Variants in ITGA8 observed in about 807,000 individuals in gnomAD.
The protein encoded by ITGA8 is integrin alpha-8.
Under a neutral mutation model 142.3 loss-of-function variants are expected in ITGA8, and 91 were observed. The observed-to-expected ratio is 0.64, with a 90% CI of 0.54 to 0.76. The LOEUF (loss-of-function observed/expected upper bound fraction) is 0.76. Among genes scored for constraint, ITGA8 ranks in the 30% least tolerant of loss-of-function variants. The pLI is 0.00. For missense variants in ITGA8, 1,406 were observed against 1,327.7 expected, an observed-to-expected ratio of 1.06 and a Z score of -0.92; for synonymous variants, 505 against 485.2, an observed-to-expected ratio of 1.04 and a Z score of -0.54.
At chr10:15,661,058 C>G in intron 8 of ITGA8, 136 bp from the exon 9 acceptor site, 1 of 737,176 alleles carries the variant, frequency 1.4e-6, no homozygotes, top group Non-Finnish European at 2.3e-6. Context: ...GTCCCCAAGC[C>G]CCAGGCCATC....
Position 15,669,588 on chromosome 10 carries a change from A to T in ITGA8, c.847+2015T>A, listed in dbSNP as rs557262300. ...AGGCTGCGTTCCTTTGGAGGAGGAG[A>T]GGTGCTCTGATTTTTAGCAGTTGTT... On this transcript the variant is annotated intron_variant, in intron 8 of 29. Transcript: ENST00000378076. Among the ~76,000 whole-genome samples the T allele has an allele frequency of 5.3e-5, 8 of 152,122 alleles. 1 individual carries two copies. Among genetic ancestry groups the T allele is most frequent in the Admixed American group, 3.9e-4 (6 of 15,272 alleles).
chr10:15,715,882 A>T (rs1835441159), intron 2 of ITGA8, among the ~76,000 whole-genome samples: 1 of 152,240 alleles, frequency 6.6e-6, no homozygotes, highest in Admixed American at 6.5e-5. Context: ...AGCAATTGGC[A>T]CAGATGAGGT....
chr10:15,524,327 C>T (rs190193623), intron 28 of ITGA8, among the ~76,000 whole-genome samples: 9 of 152,230 alleles, frequency 5.9e-5, no homozygotes, highest in East Asian at 5.8e-4. Context: ...TCTGGTGTCC[C>T]GTGCAGAGGA....
chr10:15,690,847 G>A (rs1261817380), intron 2 of ITGA8, among the ~76,000 whole-genome samples: 1 of 151,736 alleles, frequency 6.6e-6, no homozygotes, highest in Non-Finnish European at 1.5e-5. Flanking sequence ...GCCAATGCAC[G>A]CTACCCAACC....
intron 28 of ITGA8, among the ~76,000 whole-genome samples, chr10:15,527,464 T>C (rs1833196890): frequency 6.6e-6 from 1 of 152,338 alleles, no homozygotes; most frequent in African/African-American, 2.4e-5. Flanking sequence ...CGAAAGTTCC[T>C]TGGTGAGCCA....
At chr10:15,542,048 T>A in intron 27 of ITGA8, among the ~76,000 whole-genome samples, 1 of 152,170 alleles carries the variant, frequency 6.6e-6, no homozygotes, top group South Asian at 2.1e-4. Context: ...AATAGATTCC[T>A]GATAGAGATT....
chr10:15,639,384 CG>C (rs1833829593), intron 13 of ITGA8, among the ~76,000 whole-genome samples: 1 of 152,056 alleles, frequency 6.6e-6, no homozygotes, highest in Admixed American at 6.6e-5. Context: ...TGGGGTGCTG[CG>C]TAAAGGCACA....
At chr10:15,607,650 C>G in intron 17 of ITGA8, 27 bp downstream of exon 17, 1 of 1,608,592 alleles carries the variant, frequency 6.2e-7, no homozygotes, top group Non-Finnish European at 8.5e-7. Flanking sequence ...AGGAGAGAGG[C>G]CAGAGAAGTC....
At chr10:15,586,152 G>A (rs1209814454) in intron 23 of ITGA8, among the ~76,000 whole-genome samples, 1 of 142,618 alleles carries the variant, frequency 7.0e-6, no homozygotes, top group Non-Finnish European at 1.5e-5. Flanking sequence ...TCTGCCTCCC[G>A]GGTTCAAGTG....
chr10:15,695,376 C>T (rs1287755377), intron 2 of ITGA8, among the ~76,000 whole-genome samples: 1 of 152,148 alleles, frequency 6.6e-6, no homozygotes, highest in Admixed American at 6.5e-5. Flanking sequence ...AATTATCTGA[C>T]TTTGAACCTA....
chr10:15,617,086 CAT>C (rs1169687071), intron 13 of ITGA8, among the ~76,000 whole-genome samples: 1 of 152,194 alleles, frequency 6.6e-6, no homozygotes, highest in Non-Finnish European at 1.5e-5. Context: ...AAATAACTAA[CAT>C]ATTATAATGA....
At position 15,613,762 on chromosome 10, in the gene ITGA8, C is replaced by G; in HGVS notation, c.1451G>C (p.Arg484Thr). The G allele has an allele frequency of 6.2e-7, 1 of 1,612,038 alleles. No homozygotes were observed. Among genetic ancestry groups the G allele is most frequent in the Non-Finnish European group, 8.5e-7 (1 of 1,178,096 alleles). The change falls in exon 15 of 30, where the codon AGA (arginine) becomes ACA (threonine). Residue 484 changes from arginine to threonine, a missense_variant. Coordinates refer to ENST00000378076, the MANE Select transcript of ITGA8 (RefSeq NM_003638.3). ...GTGKVAVYRARPVVTVDAQLL... is the reference protein window; with the variant it reads ...GTGKVAVYRATPVVTVDAQLL... ...CTGGGCATCTACAGTCACAACCGGTCTTGCTCTGCGGGGAGAAAATGCAGG... is the reference window on the plus strand; with the variant it reads ...CTGGGCATCTACAGTCACAACCGGTGTTGCTCTGCGGGGAGAAAATGCAGG...
intron 12 of ITGA8, among the ~76,000 whole-genome samples, chr10:15,644,514 C>A (rs1833942485): frequency 2.0e-5 from 2 of 101,346 alleles, no homozygotes; most frequent in Non-Finnish European, 1.9e-5. Context: ...TTTTTTTGAG[C>A]AATGGGTCCT....
intron 2 of ITGA8, among the ~76,000 whole-genome samples, chr10:15,713,838 A>G (rs954913709): frequency 3.3e-5 from 5 of 152,152 alleles, no homozygotes; most frequent in Non-Finnish European, 7.4e-5. Context: ...ATTGTCTTCC[A>G]TTTTAAGTTT....
At chr10:15,669,926 G>A (rs1020297112) in intron 8 of ITGA8, among the ~76,000 whole-genome samples, 7 of 152,122 alleles carry the variant, frequency 4.6e-5, no homozygotes, top group African/African-American at 1.4e-4. Flanking sequence ...CGCCGCTACT[G>A]GGGGGTCCTT....
chr10:15,694,845 C>T (rs1337547391), intron 2 of ITGA8, among the ~76,000 whole-genome samples: 1 of 151,434 alleles, frequency 6.6e-6, no homozygotes, highest in Non-Finnish European at 1.5e-5. Flanking sequence ...CACCTCACAA[C>T]ATTGTCAATG....
chr10:15,696,343 A>G (rs1835052390), intron 2 of ITGA8, among the ~76,000 whole-genome samples: 1 of 152,266 alleles, frequency 6.6e-6, no homozygotes. Context: ...AACAAAACTA[A>G]TAAACGAAAA....
chr10:15,605,440 C>T (rs555595391), intron 19 of ITGA8, among the ~76,000 whole-genome samples: 15 of 152,060 alleles, frequency 9.9e-5, no homozygotes, highest in African/African-American at 2.4e-4. Flanking sequence ...AAACATAACC[C>T]GAGCCACCCC....
chr10:15,560,261 C>CA (rs1833950809), intron 25 of ITGA8, among the ~76,000 whole-genome samples: 1 of 151,988 alleles, frequency 6.6e-6, no homozygotes, highest in Non-Finnish European at 1.5e-5. Flanking sequence ...GCCTGGGCAA[C>CA]AGAGTGAGGC....
Sources: gnomAD v4.1 joint callset for allele counts (sites outside exome capture counted in the v4.1 genomes callset) on GRCh38, gnomAD v4.1.1 for gene constraint, MANE v1.5 for transcripts, NCBI Gene and HGNC (gene_info 2026-07-23, HGNC 2026-07-21) for gene names.